Variants in SRSF5 observed in about 807,000 individuals in gnomAD.
SRSF5 encodes the protein serine and arginine rich splicing factor 5.
A neutral mutation model predicts 34.0 loss-of-function variants in SRSF5; 5 were observed. The ratio of observed to expected loss-of-function variants is 0.15; its 90% CI spans 0.08 to 0.31. The LOEUF (loss-of-function observed/expected upper bound fraction) is 0.31. SRSF5 is among the 10% of genes least tolerant of loss of function. SRSF5 has a pLI of 1.00. For synonymous variants in SRSF5, 164 were observed against 117.7 expected, an observed-to-expected ratio of 1.39 and a Z score of -2.55; for missense variants, 223 against 351.4, an observed-to-expected ratio of 0.63 and a Z score of 2.92.
rs1883175769 is a variant in SRSF5 at position 69,771,294 on chromosome 14, A to AGGAGCAGGAGCC, written c.658_669dup (p.Arg222_Ser225dup). ...CAAATCTTACAGCCGGTCAAGAAGC[A>AGGAGCAGGAGCC]GGAGCAGGAGCCGGAGCCGGAGCAA... On this transcript the variant is annotated inframe_insertion, in exon 8 of 8. Coordinates refer to ENST00000557154, the MANE Select transcript of SRSF5 (RefSeq NM_001320214.2). The AGGAGCAGGAGCC allele has an allele frequency of 2.5e-6, 4 of 1,613,906 alleles. No homozygotes were observed. Among genetic ancestry groups the AGGAGCAGGAGCC allele is most frequent in the Non-Finnish European group, 3.4e-6 (4 of 1,179,914 alleles).
chr14:69,768,349 A>G, intron 2 of SRSF5, 67 bp downstream of exon 2: 1 of 1,592,006 alleles, frequency 6.3e-7, no homozygotes, highest in Non-Finnish European at 8.6e-7. Flanking sequence ...GTTGTTTTCG[A>G]TCTTGAGTCC....
At chr14:69,769,329 T>A in intron 5 of SRSF5, 78 bp downstream of exon 5, 1 of 1,568,968 alleles carries the variant, frequency 6.4e-7, no homozygotes, top group Middle Eastern at 1.9e-4. Flanking sequence ...TTGTATTGTT[T>A]TATTAAAAGT....
chr14:69,771,336 A>G lies in SRSF5; in HGVS notation c.694A>G (p.Arg232Gly). Residue 232 changes from arginine (R) to glycine (G), a missense_variant, in exon 8 of 8, where the codon AGG becomes GGG. By Grantham distance (125) the Arg-to-Gly change is moderately radical. Transcript: ENST00000557154. Reference sequence around the variant, plus strand: ...CCGGAGCAAGTCCCGTTCTGTTAGTAGGTCTCCCGTGCCTGAGAAGAGCCA... The same window carrying G: ...CCGGAGCAAGTCCCGTTCTGTTAGTGGGTCTCCCGTGCCTGAGAAGAGCCA... Reference protein sequence around the residue: ...RSRSKSRSVSRSPVPEKSQKR... With the variant: ...RSRSKSRSVSGSPVPEKSQKR... The G allele has an allele frequency of 1.2e-6, 2 of 1,614,152 alleles. No individual in the cohort carries two copies. Among genetic ancestry groups the G allele is most frequent in the Non-Finnish European group, 1.7e-6 (2 of 1,180,034 alleles).
chr14:69,769,958 A>C, intron 5 of SRSF5: 1 of 1,059,918 alleles, frequency 9.4e-7, no homozygotes, highest in Non-Finnish European at 1.1e-6. Context: ...TGGGTGGCGA[A>C]GAGCCAGTCG....
chr14:69,769,445 T>C, intron 5 of SRSF5, 194 bp downstream of exon 5: 1 of 1,531,590 alleles, frequency 6.5e-7, no homozygotes, highest in Non-Finnish European at 8.7e-7. Flanking sequence ...TGTAAATGTT[T>C]TGAGGATATT....
At chr14:69,770,963 T>A (rs762540394) in intron 6 of SRSF5, 32 bp from the exon 7 acceptor site, 59 of 1,577,080 alleles carry the variant, frequency 3.7e-5, no homozygotes, top group Non-Finnish European at 4.9e-5. Context: ...ACAGGATGTA[T>A]ATACTTTAAA....
rs1238697518 is a variant in SRSF5 at position 69,768,204 on chromosome 14, G to A, written c.48G>A (p.Arg16=). Residue 16 remains arginine (R), a synonymous_variant, in exon 2 of 8, where the codon AGG becomes AGA. Transcript: ENST00000557154. ...VFIGRLNPAA[R]EKDVERFFKG... is the part of the protein sequence containing the mutation. ...TCGGGAGACTAAATCCAGCGGCCAGGGAGAAGGACGTGGAAAGATTCTTCA... is the reference window on the plus strand; with the variant it reads ...TCGGGAGACTAAATCCAGCGGCCAGAGAGAAGGACGTGGAAAGATTCTTCA... 2 of 1,614,072 alleles carry A rather than the reference G, an allele frequency of 1.2e-6. No homozygotes were observed. Among genetic ancestry groups the A allele is most frequent in the Non-Finnish European group, 1.7e-6 (2 of 1,180,046 alleles).
chr14:69,771,141 A>G (rs770268063), intron 7 of SRSF5, 36 bp downstream of exon 7: 13 of 1,612,980 alleles, frequency 8.1e-6, no homozygotes, highest in African/African-American at 1.3e-5. Context: ...AGTTGTATTT[A>G]ATGGGTTTGT....
chr14:69,769,847 G>C, intron 5 of SRSF5: 2 of 1,271,424 alleles, frequency 1.6e-6, no homozygotes, highest in Non-Finnish European at 2.0e-6. Flanking sequence ...AGTGGTCCTT[G>C]GTAACTGCTC....
intron 7 of SRSF5, 27 bp downstream of exon 7, chr14:69,771,132 G>T (rs747313250): frequency 6.2e-7 from 1 of 1,612,938 alleles, no homozygotes; most frequent in Non-Finnish European, 8.5e-7. Flanking sequence ...AAAGTCAAAA[G>T]TTGTATTTAA....
At chr14:69,770,264 G>T (rs199553679) in intron 5 of SRSF5, 12 of 1,331,354 alleles carry the variant, frequency 9.0e-6, no homozygotes, top group South Asian at 1.8e-5. Context: ...TTAGCATTTT[G>T]CTTAAAAGCA....
Position 69,771,483 on chromosome 14 carries a change from G to A in SRSF5, c.*22G>A. On this transcript the variant is annotated 3_prime_UTR_variant, in exon 8 of 8. Transcript: ENST00000557154. The stretch of plus-strand genomic sequence containing the variant: ...TTAAACTGTAAATAACTTGCCCTGG[G>A]GGCCTTTTTTTAAAAAACAAAAACC... 6.3e-7 allele frequency: 1 copy of A among 1,586,510 alleles called. No homozygotes were observed. The highest frequency in any genetic ancestry group is 8.6e-7 in the Non-Finnish European group (1 of 1,167,844).
chr14:69,770,149 AT>A (rs1441749017), intron 5 of SRSF5: 5 of 1,069,562 alleles, frequency 4.7e-6, no homozygotes, highest in Non-Finnish European at 5.7e-6. Flanking sequence ...TACTTTAAAA[AT>A]ATGTACTGTT....
At position 69,771,406 on chromosome 14, in the gene SRSF5, A is replaced by C; in HGVS notation, c.764A>C (p.Asp255Ala). 1 of 1,614,258 alleles carries C rather than the reference A, an allele frequency of 6.2e-7. No homozygotes were observed. The highest frequency in any genetic ancestry group is 8.5e-7 in the Non-Finnish European group (1 of 1,180,050). ...SSRSKSPASV[D>A]RQRSRSRSRS... ...AGATCTAAGTCTCCAGCATCTGTGG[A>C]TCGCCAGAGGTCCCGGTCCCGATCA... The change falls in exon 8 of 8, where the codon GAT becomes GCT. Residue 255 changes from aspartate to alanine, a missense_variant. By Grantham distance (126) the Asp-to-Ala change is moderately radical. Around this residue, in one of 4 missense-constraint regions of SRSF5, gnomAD observed 115 missense variants for 119.7 expected, o/e 0.96. Coordinates refer to ENST00000557154, the MANE Select transcript of SRSF5 (RefSeq NM_001320214.2).
Position 69,771,385 on chromosome 14 carries a change from C to A in SRSF5, c.743C>A (p.Ser248Tyr), listed in dbSNP as rs765005080. Residue 248 changes from serine to tyrosine, a missense_variant, in exon 8 of 8, where the codon TCT becomes TAT. By Grantham distance (144) the Ser-to-Tyr change is moderately radical. Around this residue, in one of 4 missense-constraint regions of SRSF5, gnomAD observed 115 missense variants for 119.7 expected, o/e 0.96. Transcript: ENST00000557154. ...KSQKRGSSSR[S>Y]KSPASVDRQR... ...CAGAAACGTGGTTCTTCAAGTAGAT[C>A]TAAGTCTCCAGCATCTGTGGATCGC... 1 of 1,614,218 alleles carries A rather than the reference C, an allele frequency of 6.2e-7. No individual in the cohort carries two copies. The highest frequency in any genetic ancestry group is 1.7e-5 in the Admixed American group (1 of 60,020).
chr14:69,769,777 C>A, intron 5 of SRSF5: 1 of 1,354,140 alleles, frequency 7.4e-7, no homozygotes, highest in Non-Finnish European at 9.5e-7. Flanking sequence ...ATAAGAGGTC[C>A]GGTCGAAAAG....
At position 69,771,573 on chromosome 14, in the gene SRSF5, G is replaced by T. The variant is rs1883214116; in HGVS notation, c.*112G>T. The T allele has an allele frequency of 6.4e-5, 46 of 719,576 alleles. No individual in the cohort carries two copies. The highest frequency in any genetic ancestry group is 7.5e-5 in the Non-Finnish European group (36 of 477,486). The allele number at this position is 719,576 out of a possible 1,614,324, so 44.6% of individuals were successfully genotyped here. A position where few individuals can be genotyped will look rare whatever the true frequency, so the allele number is the denominator to read the frequency against. On this transcript the variant is annotated 3_prime_UTR_variant, in exon 8 of 8. Coordinates refer to ENST00000557154, the MANE Select transcript of SRSF5 (RefSeq NM_001320214.2). ...AGTATGTGCTTTTCTGTGGGGGTGG[G>T]ATTTGGAAGGGGGGTTGGGTTGGGC...
At position 69,769,202 on chromosome 14, in the gene SRSF5, C is replaced by G. The variant is rs1447408562; in HGVS notation, c.317C>G (p.Thr106Arg). 6.2e-7 allele frequency: 1 copy of G among 1,614,162 alleles called. No homozygotes were observed. The highest frequency in any genetic ancestry group is 1.1e-5 in the South Asian group (1 of 91,088). ...CTCAGAAATGCTCCACCTGTAAGAA[C>G]AGAAAATCGTCTTATAGTTGAGAAT... is the stretch of plus-strand genomic sequence containing the variant. ...NDRRNAPPVRTENRLIVENLS... is the reference protein window; with the variant it reads ...NDRRNAPPVRRENRLIVENLS... The change falls in exon 5 of 8, where the codon ACA becomes AGA. Residue 106 changes from threonine (T) to arginine (R), a missense_variant. Thr to Arg is a moderately conservative substitution (Grantham distance 71). Transcript: ENST00000557154.
At position 69,771,020 on chromosome 14, in the gene SRSF5, G is replaced by T; in HGVS notation, c.466G>T (p.Asp156Tyr). The T allele has an allele frequency of 6.2e-7, 1 of 1,613,578 alleles. No homozygotes were observed. The highest frequency in any genetic ancestry group is 1.1e-5 in the South Asian group (1 of 90,992). ...EGVVEFASYG[D>Y]LKNAIEKLSG... Reference sequence around the variant, plus strand: ...GGTGGTTGAGTTTGCCTCTTATGGTGACTTAAAGAATGCTATTGAAAAACT... The same window carrying T: ...GGTGGTTGAGTTTGCCTCTTATGGTTACTTAAAGAATGCTATTGAAAAACT... The change falls in exon 7 of 8, where the codon GAC becomes TAC. Residue 156 changes from aspartate to tyrosine, a missense_variant. Physicochemically the swap from Asp to Tyr is radical, Grantham distance 160. This residue lies in a region of SRSF5 where 37 missense variants were observed against 96.7 expected (regional missense o/e 0.38). Transcript: ENST00000557154.
Sources: allele counts gnomAD v4.1 joint callset, GRCh38; gene constraint gnomAD v4.1.1; regional missense constraint gnomAD v4.1.1; transcripts MANE v1.5; gene names NCBI Gene and HGNC (gene_info 2026-07-23, HGNC 2026-07-21).